The following AGO2 variants were observed in gnomAD, a reference collection of about 807,000 sequenced individuals.
AGO2 encodes the protein protein argonaute-2.
A neutral mutation model predicts 102.3 loss-of-function variants in AGO2; 5 were observed. The observed-to-expected ratio is 0.05, with a 90% CI of 0.03 to 0.10. The LOEUF (loss-of-function observed/expected upper bound fraction) is 0.10, where lower values mean the gene tolerates loss of function less well. Among genes scored for constraint, AGO2 ranks in the 10% least tolerant of loss-of-function variants. The pLI, the probability that AGO2 is intolerant of heterozygous loss-of-function variation, is 1.00. For missense variants in AGO2, 541 were observed against 1,183.7 expected, an observed-to-expected ratio of 0.46 and a Z score of 7.97; for synonymous variants, 449 against 473.1, an observed-to-expected ratio of 0.95 and a Z score of 0.66.
At chr8:140,561,376 C>T (rs538816913) in intron 4 of AGO2, among the ~76,000 whole-genome samples, 4 of 152,324 alleles carry the variant, frequency 2.6e-5, no homozygotes, top group Admixed American at 6.5e-5. Context: ...TCTTCTTTTC[C>T]CAGAATGAAA....
At chr8:140,532,643 T>C in intron 17 of AGO2, 28 bp from the exon 18 acceptor site, 1 of 1,603,396 alleles carries the variant, frequency 6.2e-7, no homozygotes. Flanking sequence ...ATTAGACAGT[T>C]GGACTCGCAT....
chr8:140,532,021 C>T lies in AGO2; in HGVS notation c.*23G>A. ...GGTCTCGTGAATCCCACTCGGTACA[C>T]AATCGCTAAACACTAAAACATGTCA... On this transcript the variant is annotated 3_prime_UTR_variant, in exon 19 of 19. Coordinates refer to ENST00000220592, the MANE Select transcript of AGO2 (RefSeq NM_012154.5). The T allele has an allele frequency of 6.2e-7, 1 of 1,608,818 alleles. No homozygotes were observed. The highest frequency in any genetic ancestry group is 8.5e-7 in the Non-Finnish European group (1 of 1,175,336).
intron 10 of AGO2, among the ~76,000 whole-genome samples, chr8:140,554,072 C>T (rs949644063): frequency 6.6e-6 from 1 of 152,258 alleles, no homozygotes; most frequent in Admixed American, 6.5e-5. Flanking sequence ...TTCTGTTTTT[C>T]AGACAACCAC....
At chr8:140,532,284 C>G in intron 18 of AGO2, 132 bp from the exon 19 acceptor site, 1 of 1,377,828 alleles carries the variant, frequency 7.3e-7, no homozygotes, top group East Asian at 2.3e-5. Flanking sequence ...GACGGCCGTG[C>G]CATTAACAGG....
chr8:140,634,409 G>T (rs1227649626), intron 1 of AGO2, among the ~76,000 whole-genome samples: 3 of 152,172 alleles, frequency 2.0e-5, no homozygotes, highest in African/African-American at 7.2e-5. Context: ...AGAGCCCGGC[G>T]GGGCCTGCGC....
At chr8:140,608,469 G>A (rs1047995018) in intron 1 of AGO2, among the ~76,000 whole-genome samples, 2 of 152,166 alleles carry the variant, frequency 1.3e-5, no homozygotes, top group Non-Finnish European at 2.9e-5. Flanking sequence ...CTGCTTCGCC[G>A]GCCCCATGCC....
At chr8:140,542,730 G>A (rs1220885319) in intron 14 of AGO2, among the ~76,000 whole-genome samples, 1 of 152,250 alleles carries the variant, frequency 6.6e-6, no homozygotes, top group Non-Finnish European at 1.5e-5. Context: ...TTCCCCAGCT[G>A]CAGGACCCTC....
At chr8:140,579,599 T>C (rs959149345) in intron 2 of AGO2, among the ~76,000 whole-genome samples, 3 of 152,152 alleles carry the variant, frequency 2.0e-5, no homozygotes, top group African/African-American at 7.2e-5. Context: ...AGCACCACAC[T>C]GCATGCCCCA....
upstream of AGO2, among the ~76,000 whole-genome samples, chr8:140,639,220 G>A (rs778195989): frequency 5.3e-5 from 8 of 152,260 alleles, no homozygotes; most frequent in East Asian, 1.4e-3. Flanking sequence ...GGTGGCTCAC[G>A]CCTGTAATCC....
chr8:140,552,950 C>G (rs1377126145), intron 10 of AGO2, among the ~76,000 whole-genome samples: 1 of 152,160 alleles, frequency 6.6e-6, no homozygotes, highest in South Asian at 2.1e-4. Flanking sequence ...CATCCCTGGT[C>G]GAGAACTCCT....
chr8:140,570,466 G>A (rs2073360807), intron 3 of AGO2, among the ~76,000 whole-genome samples: 1 of 152,134 alleles, frequency 6.6e-6, no homozygotes, highest in East Asian at 1.9e-4. Context: ...CTGGCCTCAA[G>A]TGATCCGCCT....
Position 140,546,455 on chromosome 8 carries a change from CTG to C in AGO2, c.1748+1011_1748+1012del, listed in dbSNP as rs573234252. On this transcript the variant is annotated intron_variant, in intron 13 of 18. Transcript: ENST00000220592. ...CAAGAGCTGCTCAGGTGTGAGGACA[CTG>C]TGGTGGCCAAGCACAGGCCTGTGCA... 2.6e-4 allele frequency among the ~76,000 whole-genome samples: 40 copies of C among 152,364 alleles called. 1 individual carries two copies. In the East Asian group the frequency reaches 7.5e-3, roughly 29 times the overall value.
At chr8:140,624,276 C>A (rs976418560) in intron 1 of AGO2, among the ~76,000 whole-genome samples, 2 of 152,150 alleles carry the variant, frequency 1.3e-5, no homozygotes, top group Admixed American at 1.3e-4. Flanking sequence ...TTGCCCCCTG[C>A]CTTCAAGCAC....
chr8:140,606,705 G>A (rs1314417696), intron 1 of AGO2, among the ~76,000 whole-genome samples: 1 of 152,210 alleles, frequency 6.6e-6, no homozygotes, highest in Non-Finnish European at 1.5e-5. Flanking sequence ...GGGAGGCCGA[G>A]GTGGGCAGAT....
chr8:140,556,145 C>T, intron 9 of AGO2, 22 bp downstream of exon 9: 1 of 1,614,044 alleles, frequency 6.2e-7, no homozygotes, highest in East Asian at 2.2e-5. Context: ...ACAGGGCAGC[C>T]CTGCCCGGGA....
chr8:140,548,316 A>T (rs1156741763), intron 12 of AGO2, among the ~76,000 whole-genome samples: 2 of 33,454 alleles, frequency 6.0e-5, no homozygotes, highest in African/African-American at 5.4e-4. Context: ...CCCTTGTCTA[A>T]AAAAAAAAAA....
rs1466586905 is a variant in AGO2 at position 140,520,651 on chromosome 8, G to A, written c.*11393C>T. 1 of 151,946 alleles carries A rather than the reference G, an allele frequency of 6.6e-6. No individual in the cohort carries two copies. 9.4% of individuals were successfully genotyped at this position (151,946 alleles called of 1,614,324 possible). ...CTGCCTGATTTCAGCAACACATTTAGGATCATGCTACTTCCTCAATCGCAA... is the reference window on the plus strand; with the variant it reads ...CTGCCTGATTTCAGCAACACATTTAAGATCATGCTACTTCCTCAATCGCAA... On this transcript the variant is annotated 3_prime_UTR_variant, in exon 19 of 19. Transcript: ENST00000220592.
chr8:140,557,330 T>C lies in AGO2; in HGVS notation c.879-94A>G. 2.1e-6 allele frequency: 3 copies of C among 1,455,026 alleles called. No individual in the cohort carries two copies. Among genetic ancestry groups the C allele is most frequent in the Non-Finnish European group, 2.8e-6 (3 of 1,085,648 alleles). 90.1% of individuals were successfully genotyped at this position (1,455,026 alleles called of 1,614,324 possible). ...TGCGTTTGCTTTTTAGGGTGACGTG[T>C]GAGGAGCAAACATTCAGAGCACTTC... On this transcript the variant is annotated intron_variant, in intron 7 of 18. Transcript: ENST00000220592. This position sits in a 1 kb window ranked among gnomAD's most constrained non-coding sequence, Gnocchi z 5.9.
At chr8:140,538,665 A>G (rs1042049919) in intron 16 of AGO2, among the ~76,000 whole-genome samples, 3 of 152,146 alleles carry the variant, frequency 2.0e-5, no homozygotes, top group African/African-American at 4.8e-5. Context: ...CCGAGTTTGC[A>G]CCACTCTGCC....
Sources: allele counts gnomAD v4.1 joint callset (sites outside exome capture counted in the v4.1 genomes callset), GRCh38; gene constraint gnomAD v4.1.1; non-coding constraint Gnocchi (gnomAD v3.1); transcripts MANE v1.5; gene names NCBI Gene and HGNC (gene_info 2026-07-23, HGNC 2026-07-21).